Variants in PIKFYVE observed in about 807,000 individuals in gnomAD.
PIKFYVE encodes the protein phosphoinositide kinase, FYVE-type zinc finger containing, also known as 1-phosphatidylinositol 3-phosphate 5-kinase.
A neutral mutation model predicts 257.9 loss-of-function variants in PIKFYVE; 122 were observed. That is an observed-to-expected ratio of 0.47 (90% confidence interval 0.41 to 0.55). The LOEUF (loss-of-function observed/expected upper bound fraction) is 0.55, where lower values mean the gene tolerates loss of function less well. Among genes scored for constraint, PIKFYVE ranks in the 20% least tolerant of loss-of-function variants. The pLI is 0.00. For synonymous variants in PIKFYVE, 892 were observed against 868.9 expected, an observed-to-expected ratio of 1.03 and a Z score of -0.47; for missense variants, 2,160 against 2,536.6, an observed-to-expected ratio of 0.85 and a Z score of 3.19.
At chr2:208,279,079 T>A (rs1046017886) in intron 5 of PIKFYVE, among the ~76,000 whole-genome samples, 11 of 152,190 alleles carry the variant, frequency 7.2e-5, no homozygotes, top group Admixed American at 7.2e-4. Flanking sequence ...GTTTTTTGGC[T>A]TTTTAATAAC....
At chr2:208,349,566 A>G (rs1699575247) in intron 35 of PIKFYVE, among the ~76,000 whole-genome samples, 1 of 150,672 alleles carries the variant, frequency 6.6e-6, no homozygotes, top group South Asian at 2.1e-4. Flanking sequence ...TGTAACTAGT[A>G]TATAATTTTA....
rs1327356767 is a variant in PIKFYVE at position 208,326,440 on chromosome 2, C to A, written c.3618+11C>A. The A allele has an allele frequency of 1.5e-5, 24 of 1,612,344 alleles. No homozygotes were observed. The highest frequency in any genetic ancestry group is 1.3e-4 in the Admixed American group (8 of 59,974). On this transcript the variant is annotated intron_variant, in intron 20 of 41. Coordinates refer to ENST00000264380, the MANE Select transcript of PIKFYVE (RefSeq NM_015040.4). ...GTGTGGTCAACAAAGGTGAGCCAGACCACTTTCTGATGCTCCTGTGCATTT... is the reference window on the plus strand; with the variant it reads ...GTGTGGTCAACAAAGGTGAGCCAGAACACTTTCTGATGCTCCTGTGCATTT...
intron 17 of PIKFYVE, among the ~76,000 whole-genome samples, chr2:208,320,606 C>A (rs965581666): frequency 1.3e-5 from 2 of 152,162 alleles, no homozygotes; most frequent in African/African-American, 4.8e-5. Context: ...CCCACTTAAT[C>A]CACTGATTTA....
intron 5 of PIKFYVE, among the ~76,000 whole-genome samples, chr2:208,279,025 C>T (rs548350494): frequency 6.6e-6 from 1 of 152,320 alleles, no homozygotes; most frequent in East Asian, 1.9e-4. Context: ...TTCCCATCAG[C>T]AGTGTATAAG....
chr2:208,266,264 C>T lies in PIKFYVE; in HGVS notation c.-161C>T, dbSNP rs1688607889. 6.6e-6 allele frequency: 1 copy of T among 152,060 alleles called. No individual in the cohort carries two copies. The highest frequency in any genetic ancestry group is 2.4e-5 in the African/African-American group (1 of 41,372). The allele number at this position is 152,060 out of a possible 1,614,324, so 9.4% of individuals were successfully genotyped here. Reference sequence around the variant, plus strand: ...CTTGGGGGGGGGAAGCGAGAAGCCGCATCAACCATGTAAGCAGCTTCGCTT... The same window carrying T: ...CTTGGGGGGGGGAAGCGAGAAGCCGTATCAACCATGTAAGCAGCTTCGCTT... On this transcript the variant is annotated 5_prime_UTR_variant, in exon 1 of 42. Coordinates refer to ENST00000264380, the MANE Select transcript of PIKFYVE (RefSeq NM_015040.4).
At chr2:208,346,807 A>G (rs534170158) in intron 34 of PIKFYVE, among the ~76,000 whole-genome samples, 37 of 152,358 alleles carry the variant, frequency 2.4e-4, no homozygotes, top group African/African-American at 8.4e-4. Flanking sequence ...TTGTTATAAC[A>G]TTAGGGGAAT....
At chr2:208,349,346 A>C (rs1699544462) in intron 35 of PIKFYVE, among the ~76,000 whole-genome samples, 1 of 152,030 alleles carries the variant, frequency 6.6e-6, no homozygotes, top group Non-Finnish European at 1.5e-5. Context: ...TCTAGATATT[A>C]AGATGTATTT....
chr2:208,322,701 A>ATATT (rs997627922), intron 17 of PIKFYVE, among the ~76,000 whole-genome samples: 1 of 150,156 alleles, frequency 6.7e-6, no homozygotes, highest in Non-Finnish European at 1.5e-5. Flanking sequence ...ATATATATAT[A>ATATT]TTTTTTTTAT....
chr2:208,266,521 T>G (rs1239672018), intron 1 of PIKFYVE, 106 bp downstream of exon 1: 2 of 152,634 alleles, frequency 1.3e-5, no homozygotes, highest in African/African-American at 4.8e-5. Context: ...GAACCAGGGC[T>G]CCGCAGTCGG....
intron 1 of PIKFYVE, chr2:208,270,037 ATT>A (rs943072206): frequency 7.6e-4 from 84 of 110,252 alleles, no homozygotes; most frequent in East Asian, 4.0e-3. Context: ...AGACTACAGT[ATT>A]TTTTTTTTTT....
chr2:208,322,473 A>C (rs1352470717), intron 17 of PIKFYVE, among the ~76,000 whole-genome samples: 1 of 150,914 alleles, frequency 6.6e-6, no homozygotes, highest in Non-Finnish European at 1.5e-5. Context: ...TAACCTCTGA[A>C]CTAGCTAATT....
chr2:208,287,430 T>C (rs1046223772), intron 6 of PIKFYVE, among the ~76,000 whole-genome samples: 1 of 151,902 alleles, frequency 6.6e-6, no homozygotes, highest in Non-Finnish European at 1.5e-5. Context: ...CCCACCACCA[T>C]GCCTGGCTAA....
At chr2:208,276,937 T>A in intron 4 of PIKFYVE, 107 bp downstream of exon 4, 8 of 856,464 alleles carry the variant, frequency 9.3e-6, no homozygotes, top group Non-Finnish European at 1.1e-5. Flanking sequence ...AATTAGCGCT[T>A]CCTCCAGCTG....
intron 27 of PIKFYVE, 63 bp downstream of exon 27, chr2:208,336,263 T>TA: frequency 6.3e-7 from 1 of 1,590,054 alleles, no homozygotes; most frequent in African/African-American, 1.3e-5. Flanking sequence ...TGTGATATCT[T>TA]AAAACTTAAA....
chr2:208,297,630 TA>T (rs1205091680), intron 7 of PIKFYVE, among the ~76,000 whole-genome samples: 4 of 152,304 alleles, frequency 2.6e-5, no homozygotes, highest in African/African-American at 9.6e-5. Flanking sequence ...TAGTAATACA[TA>T]TTCCATAGGA....
At chr2:208,317,712 C>A (rs1175106156) in intron 15 of PIKFYVE, among the ~76,000 whole-genome samples, 155 bp from the exon 16 acceptor site, 1 of 151,908 alleles carries the variant, frequency 6.6e-6, no homozygotes, top group Non-Finnish European at 1.5e-5. Flanking sequence ...TGCCATTGAT[C>A]GTTGGTTGAA....
chr2:208,353,928 C>G lies in PIKFYVE; in HGVS notation c.5875C>G (p.Arg1959Gly). Residue 1959 changes from arginine (R) to glycine (G), a missense_variant, in exon 40 of 42, where the codon CGG becomes GGG. By Grantham distance (125) the Arg-to-Gly change is moderately radical. This residue lies in a region of PIKFYVE where 699 missense variants were observed against 855.8 expected (regional missense o/e 0.82). Transcript: ENST00000264380. ...VFDLKGSLRN[R>G]NVKTDTGKES... ...TGATTTGAAGGGCTCTCTTAGGAAT[C>G]GGAATGTAAAAACTGACACTGGAAA... is the stretch of plus-strand genomic sequence containing the variant. 6.2e-7 allele frequency: 1 copy of G among 1,613,890 alleles called. No individual in the cohort carries two copies. Among genetic ancestry groups the G allele is most frequent in the Non-Finnish European group, 8.5e-7 (1 of 1,179,926 alleles).
At position 208,288,582 on chromosome 2, in the gene PIKFYVE, C is replaced by T. The variant is rs75711963; in HGVS notation, c.822-147C>T. 632 of 1,221,336 alleles carry T rather than the reference C, an allele frequency of 5.2e-4. 1 individual carries two copies. The African/African-American group carries it at 8.7e-3, about 17-fold the overall frequency. The allele number at this position is 1,221,336 out of a possible 1,614,324, so 75.7% of individuals were successfully genotyped here. Reference sequence around the variant, plus strand: ...CAAAAACTATCATTCATACCATTTACACCCTAATTAAAGGAAGAACAAAAA... The same window carrying T: ...CAAAAACTATCATTCATACCATTTATACCCTAATTAAAGGAAGAACAAAAA... On this transcript the variant is annotated intron_variant, in intron 6 of 41. Coordinates refer to ENST00000264380, the MANE Select transcript of PIKFYVE (RefSeq NM_015040.4).
At chr2:208,275,936 A>G (rs1216973853) in intron 3 of PIKFYVE, among the ~76,000 whole-genome samples, 1 of 152,184 alleles carries the variant, frequency 6.6e-6, no homozygotes, top group Non-Finnish European at 1.5e-5. Flanking sequence ...ATAAGTGACA[A>G]CTTTGGTGGG....
Sources: allele counts gnomAD v4.1 joint callset (sites outside exome capture counted in the v4.1 genomes callset), GRCh38; gene constraint gnomAD v4.1.1; regional missense constraint gnomAD v4.1.1; transcripts MANE v1.5; gene names NCBI Gene and HGNC (gene_info 2026-07-23, HGNC 2026-07-21).